TIMM23: variants seen among roughly 807,000 people sequenced by gnomAD.
TIMM23 encodes mitochondrial import inner membrane translocase subunit Tim23.
TIMM23 carries 19 observed loss-of-function variants against 30.7 expected under a neutral mutation model. That is an observed-to-expected ratio of 0.62 (90% confidence interval 0.43 to 0.91). The LOEUF is 0.91. Ranked by LOEUF, TIMM23 falls within the 40% of genes least tolerant of loss-of-function variation. TIMM23 has a pLI of 0.00. For missense variants in TIMM23, 202 were observed against 269.2 expected (o/e 0.75, Z 1.75); for synonymous variants, 78 against 98.5 (o/e 0.79, Z 1.23).
rs587710374 is a variant in TIMM23 at position 45,972,873 on chromosome 10, C to G, written c.106+143C>G. 244 of 1,444,164 alleles carry G rather than the reference C, an allele frequency of 1.7e-4. No homozygotes were observed. In the Middle Eastern group the frequency reaches 1.8e-3, roughly 10 times the overall value. The allele number at this position is 1,444,164 out of a possible 1,614,324, so 89.5% of individuals were successfully genotyped here. A position where few individuals can be genotyped will look rare whatever the true frequency, so the allele number is the denominator to read the frequency against. ...AGTACCAGTGGTGGGGTTAGTGTATCTGCATGGCTGCTCTTTCAAGATAGA... is the reference window on the plus strand; with the variant it reads ...AGTACCAGTGGTGGGGTTAGTGTATGTGCATGGCTGCTCTTTCAAGATAGA... On this transcript the variant is annotated intron_variant, in intron 1 of 6. Transcript: ENST00000580018.
chr10:45,977,373 C>G (rs1434951877), intron 2 of TIMM23, among the ~76,000 whole-genome samples: 3 of 151,972 alleles, frequency 2.0e-5, no homozygotes, highest in Non-Finnish European at 4.4e-5. Flanking sequence ...AGAATAAATC[C>G]ATAGTTAATG....
In TIMM23 at chr10:45,981,191, G is replaced by A. The variant is rs1241010985; in HGVS notation, c.166-1332G>A. Among the ~76,000 whole-genome samples, 200 of 145,470 alleles carry A rather than the reference G, an allele frequency of 1.4e-3. 1 individual carries two copies. Among genetic ancestry groups the A allele is most frequent in the African/African-American group, 4.9e-3 (191 of 38,878 alleles). Reference sequence around the variant, plus strand: ...TGAGCTCTGGCAGTCCACCCGACTCGGCTTCCCAAAGCGCTGAGATTACAG... The same window carrying A: ...TGAGCTCTGGCAGTCCACCCGACTCAGCTTCCCAAAGCGCTGAGATTACAG... On this transcript the variant is annotated intron_variant, in intron 2 of 6. Coordinates refer to ENST00000580018, the MANE Select transcript of TIMM23 (RefSeq NM_006327.4).
chr10:45,993,731 GTGAAA>G (rs1282483453), intron 6 of TIMM23, among the ~76,000 whole-genome samples: 4 of 152,072 alleles, frequency 2.6e-5, no homozygotes, highest in Admixed American at 6.5e-5. Context: ...GAAATGCCAG[GTGAAA>G]TGAAATGAAA....
intron 6 of TIMM23, chr10:45,998,423 T>G: frequency 1.0e-6 from 1 of 983,784 alleles, no homozygotes; most frequent in Non-Finnish European, 1.2e-6. Context: ...TCATATTTGC[T>G]TTGCTTTATA....
intron 2 of TIMM23, among the ~76,000 whole-genome samples, chr10:45,976,535 C>T (rs1460072418): frequency 6.6e-6 from 1 of 151,940 alleles, no homozygotes; most frequent in African/African-American, 2.4e-5. Flanking sequence ...CGCTTGAACC[C>T]TGGAGACAAA....
At chr10:45,999,631 T>C (rs940722840) in intron 6 of TIMM23, among the ~76,000 whole-genome samples, 3 of 152,122 alleles carry the variant, frequency 2.0e-5, no homozygotes, top group Admixed American at 6.5e-5. Context: ...GGCGAGATCA[T>C]AGGACTACAG....
intron 6 of TIMM23, among the ~76,000 whole-genome samples, chr10:45,993,314 C>T (rs1364319808): frequency 3.4e-5 from 5 of 146,298 alleles, no homozygotes; most frequent in African/African-American, 1.0e-4. Context: ...GGCATGATCT[C>T]GGCTCACAGC....
chr10:45,981,432 A>G (rs1395130881), intron 2 of TIMM23, among the ~76,000 whole-genome samples: 3 of 151,770 alleles, frequency 2.0e-5, no homozygotes, highest in Admixed American at 6.6e-5. Flanking sequence ...CAAAATTTAT[A>G]AAACTCTATA....
rs1201765584 is a variant in TIMM23 at position 45,981,683 on chromosome 10, T to C, written c.166-840T>C. Among the ~76,000 whole-genome samples the C allele has an allele frequency of 1.1e-3, 174 of 152,338 alleles. 1 individual carries two copies. Among genetic ancestry groups the C allele is most frequent in the African/African-American group, 4.1e-3 (170 of 41,582 alleles). On this transcript the variant is annotated intron_variant, in intron 2 of 6. Coordinates refer to ENST00000580018, the MANE Select transcript of TIMM23 (RefSeq NM_006327.4). ...AATGTTAATTGTCAGTGGTCTTTAC[T>C]ATGTTAAATGTAACACACTATGTGT...
At chr10:46,001,785 C>A (rs1440419121) in intron 6 of TIMM23, among the ~76,000 whole-genome samples, 1 of 152,144 alleles carries the variant, frequency 6.6e-6, no homozygotes, top group Non-Finnish European at 1.5e-5. Context: ...GCTTTGGGCA[C>A]CCCCATTCCT....
intron 5 of TIMM23, among the ~76,000 whole-genome samples, 184 bp downstream of exon 5, chr10:45,985,625 T>C (rs1352586310): frequency 2.0e-5 from 3 of 152,222 alleles, no homozygotes; most frequent in African/African-American, 7.2e-5. Context: ...TAATCTCAGG[T>C]GCTAATACCG....
chr10:45,978,759 C>G (rs1342823666), intron 2 of TIMM23, among the ~76,000 whole-genome samples: 4 of 151,998 alleles, frequency 2.6e-5, no homozygotes, highest in Non-Finnish European at 5.9e-5. Context: ...ATAGAGTTAC[C>G]TTATGACTGG....
intron 2 of TIMM23, among the ~76,000 whole-genome samples, chr10:45,978,089 G>A (rs1438615769): frequency 6.6e-6 from 1 of 152,032 alleles, no homozygotes; most frequent in Non-Finnish European, 1.5e-5. Context: ...AGTGGCTCGT[G>A]CCTATACTCC....
At chr10:45,992,505 G>T in intron 6 of TIMM23, 1 of 455,024 alleles carries the variant, frequency 2.2e-6, no homozygotes. Context: ...AACACTTGGA[G>T]GCTTATGAGT....
At chr10:45,993,071 G>A (rs587709167) in intron 6 of TIMM23, among the ~76,000 whole-genome samples, 3 of 151,990 alleles carry the variant, frequency 2.0e-5, no homozygotes, top group Admixed American at 2.0e-4. Context: ...TTTTCTTTGA[G>A]GCCTTAAACA....
rs1379080850 is a variant in TIMM23 at position 45,972,558 on chromosome 10, A to T, written c.-67A>T. On this transcript the variant is annotated 5_prime_UTR_variant, in exon 1 of 7. Coordinates refer to ENST00000580018, the MANE Select transcript of TIMM23 (RefSeq NM_006327.4). ...GCGGGGTTACCCGCTGTTATTGAGGAGTAACGGCCCAGCGGACCACCCAGG... is the reference window on the plus strand; with the variant it reads ...GCGGGGTTACCCGCTGTTATTGAGGTGTAACGGCCCAGCGGACCACCCAGG... 1.2e-5 allele frequency: 19 copies of T among 1,554,568 alleles called. No homozygotes were observed. The highest frequency in any genetic ancestry group is 1.7e-5 in the Non-Finnish European group (19 of 1,147,896).
At chr10:45,988,359 G>A (rs1271653568) in intron 5 of TIMM23, among the ~76,000 whole-genome samples, 3 of 152,096 alleles carry the variant, frequency 2.0e-5, no homozygotes, top group South Asian at 2.1e-4. Flanking sequence ...GACAAGGTAG[G>A]TCATAGAATT....
At chr10:45,998,128 T>C (rs1468071105) in intron 6 of TIMM23, among the ~76,000 whole-genome samples, 6 of 152,184 alleles carry the variant, frequency 3.9e-5, no homozygotes, top group African/African-American at 1.4e-4. Context: ...TAGTTACGTT[T>C]TAAATGGTTA....
intron 6 of TIMM23, among the ~76,000 whole-genome samples, chr10:46,000,702 A>G (rs560417977): frequency 1.3e-5 from 2 of 152,368 alleles, no homozygotes; most frequent in African/African-American, 4.8e-5. Flanking sequence ...AGCTAGAAGC[A>G]GTGGTTTTGC....
Sources: gnomAD v4.1 joint callset for allele counts (sites outside exome capture counted in the v4.1 genomes callset) on GRCh38, gnomAD v4.1.1 for gene constraint, MANE v1.5 for transcripts, NCBI Gene and HGNC (gene_info 2026-07-23, HGNC 2026-07-21) for gene names.